SLC35F3: variants seen among roughly 807,000 people sequenced by gnomAD.
SLC35F3 encodes the protein solute carrier family 35 member F3, also known as putative thiamine transporter SLC35F3.
In SLC35F3, 25 loss-of-function variants were observed where a neutral mutation model predicts 49.9. The ratio of observed to expected loss-of-function variants is 0.50; its 90% CI spans 0.37 to 0.70. SLC35F3 has a LOEUF of 0.70. SLC35F3 is among the 30% of genes least tolerant of loss of function. The pLI is 0.00. For missense variants in SLC35F3, 525 were observed against 639.8 expected, an observed-to-expected ratio of 0.82 and a Z score of 1.94; for synonymous variants, 275 against 265.4, an observed-to-expected ratio of 1.04 and a Z score of -0.35.
At chr1:234,316,516 C>T (rs564898215) in intron 4 of SLC35F3, 86 bp from the exon 5 acceptor site, 76 of 1,506,806 alleles carry the variant, frequency 5.0e-5, no homozygotes, top group Admixed American at 1.1e-4. Flanking sequence ...CTGAACCCCA[C>T]GCACATTTCC....
chr1:233,911,370 G>A (rs373487660), intron 2 of SLC35F3, among the ~76,000 whole-genome samples: 4 of 152,164 alleles, frequency 2.6e-5, no homozygotes, highest in Non-Finnish European at 5.9e-5. Flanking sequence ...ATGGAGCTTG[G>A]CATATGAAAT....
intron 2 of SLC35F3, among the ~76,000 whole-genome samples, chr1:233,948,220 GGAGAGAGGGAGAGAGAGAGA>G (rs1558186399): frequency 8.2e-6 from 1 of 122,400 alleles, no homozygotes. Flanking sequence ...AGGGAGAGAG[GGAGAGAGGGAGAGAGAGAGA>G]GAGAGAGAGA....
chr1:234,072,051 C>G (rs1252800334), intron 2 of SLC35F3, among the ~76,000 whole-genome samples: 1 of 152,224 alleles, frequency 6.6e-6, no homozygotes, highest in Non-Finnish European at 1.5e-5. Context: ...TTTTTAGAGT[C>G]AGATTTATGT....
At chr1:234,104,858 C>A (rs1055354587) in intron 2 of SLC35F3, among the ~76,000 whole-genome samples, 1 of 152,140 alleles carries the variant, frequency 6.6e-6, no homozygotes, top group Non-Finnish European at 1.5e-5. Flanking sequence ...TGGCTGGGCA[C>A]GGTGGCTTAT....
At chr1:233,915,619 G>A (rs1361846013) in intron 2 of SLC35F3, among the ~76,000 whole-genome samples, 3 of 152,144 alleles carry the variant, frequency 2.0e-5, no homozygotes, top group African/African-American at 7.2e-5. Flanking sequence ...GTATTAGTCT[G>A]TTTCACGCTG....
rs141906681 is a variant in SLC35F3, at chr1:234,216,864, G to T, written c.284-14553G>T. 7.2e-5 allele frequency among the ~76,000 whole-genome samples: 11 copies of T among 152,284 alleles called. No individual in the cohort carries two copies. The East Asian group carries it at 1.9e-3, about 27-fold the overall frequency. Reference sequence around the variant, plus strand: ...AAGCCCCCAGTTGCATTTTTCGTGGGATACCTACAAGTATCCCATGCAAAA... The same window carrying T: ...AAGCCCCCAGTTGCATTTTTCGTGGTATACCTACAAGTATCCCATGCAAAA... On this transcript the variant is annotated intron_variant, in intron 2 of 7. Transcript: ENST00000366618.
At chr1:234,023,977 A>G (rs1326234667) in intron 2 of SLC35F3, among the ~76,000 whole-genome samples, 1 of 152,130 alleles carries the variant, frequency 6.6e-6, no homozygotes, top group Non-Finnish European at 1.5e-5. Context: ...ATGTAATACC[A>G]TATCCTGGAA....
intron 2 of SLC35F3, among the ~76,000 whole-genome samples, chr1:233,909,477 C>G (rs890311842): frequency 2.6e-5 from 4 of 152,172 alleles, no homozygotes; most frequent in African/African-American, 9.7e-5. Context: ...GGACAGGGAG[C>G]TTTGAATATG....
intron 3 of SLC35F3, among the ~76,000 whole-genome samples, chr1:234,234,352 C>T (rs751260201): frequency 6.6e-6 from 1 of 152,120 alleles, no homozygotes; most frequent in Non-Finnish European, 1.5e-5. Context: ...CCAACTGAGC[C>T]GCTTCCCCAG....
rs182863434 is a variant in SLC35F3 at position 233,928,555 on chromosome 1, C to T, written c.283+22797C>T. 1.6e-4 allele frequency among the ~76,000 whole-genome samples: 24 copies of T among 152,176 alleles called. 1 individual carries two copies. Among genetic ancestry groups the T allele is most frequent in the Non-Finnish European group, 2.2e-4 (15 of 68,000 alleles). ...AACCTACTTTTCCTTTTTCCTTTTC[C>T]GTAAAATGACAGTTCTAGTTCAGAT... On this transcript the variant is annotated intron_variant, in intron 2 of 7. Coordinates refer to ENST00000366618, the MANE Select transcript of SLC35F3 (RefSeq NM_173508.4).
chr1:234,081,904 A>ATTTT lies in SLC35F3; in HGVS notation c.284-149484_284-149481dup, dbSNP rs781469880. Among the ~76,000 whole-genome samples, 474 of 39,226 alleles carry ATTTT rather than the reference A, an allele frequency of 0.012. 104 individuals are homozygous for ATTTT. In the East Asian group the frequency reaches 0.16, roughly 13 times the overall value. 25.7% of individuals were successfully genotyped at this position (39,226 alleles called of 152,430 possible). A position where few individuals can be genotyped will look rare whatever the true frequency, so the allele number is the denominator to read the frequency against. On this transcript the variant is annotated intron_variant, in intron 2 of 7. Coordinates refer to ENST00000366618, the MANE Select transcript of SLC35F3 (RefSeq NM_173508.4). The stretch of plus-strand genomic sequence containing the variant: ...AGGCGCCTGCCACCATGCCTGGCTA[A>ATTTT]TTTTTTTTTTTTTTTTTTTTTTTTT...
chr1:233,932,893 C>T (rs1662267700), intron 2 of SLC35F3, among the ~76,000 whole-genome samples: 1 of 152,170 alleles, frequency 6.6e-6, no homozygotes, highest in South Asian at 2.1e-4. Context: ...AATGGAAGCA[C>T]ATCTTATTTT....
chr1:234,054,385 T>C (rs975826484), intron 2 of SLC35F3, among the ~76,000 whole-genome samples: 3 of 152,214 alleles, frequency 2.0e-5, no homozygotes, highest in Non-Finnish European at 4.4e-5. Context: ...CTTCATTTCA[T>C]TCATTTGATG....
At chr1:234,078,319 T>C (rs1288939562) in intron 2 of SLC35F3, among the ~76,000 whole-genome samples, 1 of 152,214 alleles carries the variant, frequency 6.6e-6, no homozygotes, top group Non-Finnish European at 1.5e-5. Flanking sequence ...CTCAGAATAG[T>C]TATCCACACT....
chr1:234,176,815 C>T (rs1281565260), intron 2 of SLC35F3, among the ~76,000 whole-genome samples: 1 of 152,180 alleles, frequency 6.6e-6, no homozygotes, highest in African/African-American at 2.4e-5. Flanking sequence ...CAACAAAACA[C>T]CTCTCCTGGT....
At chr1:233,955,044 A>G (rs1662673973) in intron 2 of SLC35F3, among the ~76,000 whole-genome samples, 1 of 151,864 alleles carries the variant, frequency 6.6e-6, no homozygotes, top group African/African-American at 2.4e-5. Flanking sequence ...GGGTTTCACC[A>G]TGTTGCCCAG....
intron 2 of SLC35F3, among the ~76,000 whole-genome samples, chr1:234,166,275 G>A (rs764914728): frequency 6.6e-6 from 1 of 152,036 alleles, no homozygotes; most frequent in Non-Finnish European, 1.5e-5. Context: ...CCCCACCAGA[G>A]CGGTCCATTT....
intron 2 of SLC35F3, among the ~76,000 whole-genome samples, chr1:234,056,102 C>G (rs546570926): frequency 6.6e-6 from 1 of 152,084 alleles, no homozygotes; most frequent in East Asian, 1.9e-4. Context: ...TTGAGTGTCT[C>G]TTTTACTTTT....
intron 2 of SLC35F3, among the ~76,000 whole-genome samples, chr1:233,999,311 A>G (rs1463396756): frequency 6.6e-6 from 1 of 152,064 alleles, no homozygotes; most frequent in Non-Finnish European, 1.5e-5. Context: ...AGCTCTTTTA[A>G]TCCTTCTAGG....
Sources: gnomAD v4.1 joint callset for allele counts (sites outside exome capture counted in the v4.1 genomes callset) on GRCh38, gnomAD v4.1.1 for gene constraint, MANE v1.5 for transcripts, NCBI Gene and HGNC (gene_info 2026-07-23, HGNC 2026-07-21) for gene names.